Variants in BNC2 observed in about 807,000 individuals in gnomAD.
BNC2 encodes the protein basonuclin zinc finger protein 2.
BNC2 carries 20 observed loss-of-function variants against 76.3 expected under a neutral mutation model. The observed-to-expected ratio is 0.26, with a 90% CI of 0.18 to 0.38. The LOEUF (loss-of-function observed/expected upper bound fraction) is 0.38. BNC2 is among the 10% of genes least tolerant of loss of function. BNC2 has a pLI of 1.00. For synonymous variants in BNC2, 582 were observed against 514.8 expected, an observed-to-expected ratio of 1.13 and a Z score of -1.77; for missense variants, 1,382 against 1,399.8, an observed-to-expected ratio of 0.99 and a Z score of 0.20.
At chr9:16,801,749 C>T (rs1210772776) in intron 1 of BNC2, among the ~76,000 whole-genome samples, 1 of 148,894 alleles carries the variant, frequency 6.7e-6, no homozygotes, top group Non-Finnish European at 1.5e-5. Context: ...AAAAAACACA[C>T]ACACACAGAA....
At chr9:16,786,987 C>T (rs1049575074) in intron 1 of BNC2, among the ~76,000 whole-genome samples, 4 of 152,142 alleles carry the variant, frequency 2.6e-5, no homozygotes, top group East Asian at 1.9e-4. Flanking sequence ...AGGCTAGAGA[C>T]GAGTAACAGT....
At chr9:16,513,957 T>A (rs1426679651) in intron 5 of BNC2, among the ~76,000 whole-genome samples, 1 of 152,158 alleles carries the variant, frequency 6.6e-6, no homozygotes, top group Non-Finnish European at 1.5e-5. Flanking sequence ...TTAGCTTCCG[T>A]GAAGGCCCAA....
chr9:16,793,600 C>G (rs1276363389), intron 1 of BNC2, among the ~76,000 whole-genome samples: 2 of 150,666 alleles, frequency 1.3e-5, no homozygotes, highest in East Asian at 1.9e-4. Context: ...CTATGCCTGG[C>G]CAATTCTAGA....
chr9:16,430,657 C>G (rs1820891256), intron 6 of BNC2, among the ~76,000 whole-genome samples: 1 of 152,182 alleles, frequency 6.6e-6, no homozygotes. Flanking sequence ...TTCCTGCACA[C>G]CTGTACAGGG....
intron 3 of BNC2, among the ~76,000 whole-genome samples, chr9:16,683,727 T>C (rs1007023953): frequency 1.3e-5 from 2 of 152,214 alleles, no homozygotes; most frequent in African/African-American, 2.4e-5. Context: ...ACATAATATG[T>C]ATATGTACTA....
intron 1 of BNC2, among the ~76,000 whole-genome samples, chr9:16,778,452 A>G (rs1357363674): frequency 6.6e-6 from 1 of 152,216 alleles, no homozygotes. Context: ...TTTTCAGCCA[A>G]AAAAACATGA....
At chr9:16,855,226 C>T (rs1264919813) in intron 1 of BNC2, among the ~76,000 whole-genome samples, 4 of 152,024 alleles carry the variant, frequency 2.6e-5, no homozygotes, top group African/African-American at 9.6e-5. Context: ...GGTATGTTAA[C>T]AAAATTAGGT....
At chr9:16,833,722 G>A (rs73420792) in intron 1 of BNC2, among the ~76,000 whole-genome samples, 5 of 152,232 alleles carry the variant, frequency 3.3e-5, no homozygotes, top group African/African-American at 1.2e-4. Flanking sequence ...CCACTCCAAA[G>A]GGAATGACGG....
At chr9:16,525,248 A>G (rs1463452890) in intron 5 of BNC2, among the ~76,000 whole-genome samples, 1 of 152,230 alleles carries the variant, frequency 6.6e-6, no homozygotes, top group African/African-American at 2.4e-5. Flanking sequence ...AAAACCACAC[A>G]AAACTTAAAA....
At chr9:16,855,142 T>C (rs1819222800) in intron 1 of BNC2, among the ~76,000 whole-genome samples, 1 of 151,990 alleles carries the variant, frequency 6.6e-6, no homozygotes, top group Non-Finnish European at 1.5e-5. Context: ...GGCGTGTGTG[T>C]GTGTGTGTGT....
chr9:16,800,006 C>T (rs1185923108), intron 1 of BNC2, among the ~76,000 whole-genome samples: 1 of 151,982 alleles, frequency 6.6e-6, no homozygotes, highest in East Asian at 1.9e-4. Flanking sequence ...GGGCAGATCA[C>T]CTGAGATCAG....
chr9:16,549,304 A>G (rs1818586085), intron 5 of BNC2, among the ~76,000 whole-genome samples: 2 of 152,180 alleles, frequency 1.3e-5, no homozygotes, highest in South Asian at 4.1e-4. Context: ...CAGGAACACA[A>G]TCTGTAGCCA....
Position 16,699,145 on chromosome 9 carries a change from C to T in BNC2, c.330+28652G>A, listed in dbSNP as rs549179037. On this transcript the variant is annotated intron_variant, in intron 3 of 6. Transcript: ENST00000380672. ...TGTTTTTGTTTTTGTTTTGTCCTTT[C>T]CCTTTGTTTTAAAAACAGAAAGGCT... 1.3e-5 allele frequency: 6 copies of T among 463,870 alleles called. No homozygotes were observed. The East Asian group carries it at 4.2e-4, about 33-fold the overall frequency. The allele number at this position is 463,870 out of a possible 1,614,324, so 28.7% of individuals were successfully genotyped here. A position where few individuals can be genotyped will look rare whatever the true frequency, so the allele number is the denominator to read the frequency against.
chr9:16,452,712 A>AC (rs1821368919), intron 5 of BNC2, among the ~76,000 whole-genome samples: 1 of 152,118 alleles, frequency 6.6e-6, no homozygotes, highest in Non-Finnish European at 1.5e-5. Flanking sequence ...GCCTGGCAGA[A>AC]CCATTACAAT....
chr9:16,781,494 C>T (rs550528983), intron 1 of BNC2, among the ~76,000 whole-genome samples: 1 of 152,324 alleles, frequency 6.6e-6, no homozygotes, highest in East Asian at 1.9e-4. Context: ...AGGCGCAAGC[C>T]GCCAGGCACA....
intron 5 of BNC2, among the ~76,000 whole-genome samples, chr9:16,540,156 ATTTTTT>A (rs36075261): frequency 8.4e-6 from 1 of 118,474 alleles, no homozygotes; most frequent in Non-Finnish European, 1.8e-5. Context: ...ATTTAACGTG[ATTTTTT>A]TTTTTTTTTT....
intron 1 of BNC2, among the ~76,000 whole-genome samples, chr9:16,790,817 CTTTTT>C (rs372342400): frequency 7.8e-6 from 1 of 128,828 alleles, no homozygotes; most frequent in African/African-American, 2.9e-5. Flanking sequence ...CCTTGGTAAG[CTTTTT>C]TTTTTTTTTT....
At chr9:16,817,977 T>C (rs1278791135) in intron 1 of BNC2, among the ~76,000 whole-genome samples, 2 of 152,166 alleles carry the variant, frequency 1.3e-5, no homozygotes, top group Non-Finnish European at 2.9e-5. Context: ...TTTGTGTTGT[T>C]AGTCTAATGC....
intron 1 of BNC2, among the ~76,000 whole-genome samples, chr9:16,861,448 T>G (rs961724022): frequency 6.6e-6 from 1 of 151,944 alleles, no homozygotes; most frequent in Admixed American, 6.6e-5. Context: ...GTACTCAGAA[T>G]ATATAAACAG....
Sources: allele counts gnomAD v4.1 joint callset (sites outside exome capture counted in the v4.1 genomes callset), GRCh38; gene constraint gnomAD v4.1.1; transcripts MANE v1.5; gene names NCBI Gene and HGNC (gene_info 2026-07-23, HGNC 2026-07-21).